The following FKBP6 variants were observed in gnomAD, a reference collection of about 807,000 sequenced individuals.
The protein encoded by FKBP6 is inactive peptidyl-prolyl cis-trans isomerase FKBP6.
In FKBP6, 29 loss-of-function variants were observed where a neutral mutation model predicts 41.7. That is an observed-to-expected ratio of 0.70 (90% CI 0.52 to 0.95). The LOEUF (loss-of-function observed/expected upper bound fraction) is 0.95, where lower values mean the gene tolerates loss of function less well. FKBP6 is among the 40% of genes least tolerant of loss of function. The pLI is 0.00. For synonymous variants in FKBP6, 130 were observed against 165.1 expected (o/e 0.79, Z 1.63); for missense variants, 338 against 408.7 (o/e 0.83, Z 1.49).
chr7:73,344,719 G>T (rs182726502), intron 8 of FKBP6, among the ~76,000 whole-genome samples: 252 of 152,136 alleles, frequency 1.7e-3, no homozygotes, highest in African/African-American at 5.9e-3. Flanking sequence ...CGAGTAGCTG[G>T]GACTGCAGGT....
intron 4 of FKBP6, 84 bp from the exon 5 acceptor site, chr7:73,331,573 C>T: frequency 2.1e-6 from 3 of 1,458,798 alleles, no homozygotes; most frequent in African/African-American, 1.4e-5. Context: ...GTCTCGAACT[C>T]CTGGGCTCAC....
At chr7:73,330,644 A>T (rs1362649561) in intron 4 of FKBP6, among the ~76,000 whole-genome samples, 1 of 152,188 alleles carries the variant, frequency 6.6e-6, no homozygotes, top group Non-Finnish European at 1.5e-5. Context: ...GAGACAGTGA[A>T]CACTTGCTTT....
chr7:73,329,337 T>C, intron 2 of FKBP6, 23 bp from the exon 3 acceptor site: 1 of 1,440,836 alleles, frequency 6.9e-7, no homozygotes. Context: ...TCCATTTTCC[T>C]TACATTCTTT....
At chr7:73,329,857 G>T (rs1554547291) in intron 3 of FKBP6, 2 of 541,918 alleles carry the variant, frequency 3.7e-6, no homozygotes, top group African/African-American at 3.8e-5. Context: ...GAGTGCCTGG[G>T]AGGTGAAAGC....
intron 5 of FKBP6, among the ~76,000 whole-genome samples, chr7:73,334,117 C>T (rs1228380924): frequency 6.6e-6 from 1 of 152,084 alleles, no homozygotes; most frequent in South Asian, 2.1e-4. Flanking sequence ...CTAACAACAA[C>T]AACAAAAAAA....
At chr7:73,340,917 CTTTTTTTTT>C in intron 6 of FKBP6, 85 bp downstream of exon 6, 3 of 482,524 alleles carry the variant, frequency 6.2e-6, no homozygotes, top group Non-Finnish European at 7.2e-6. Context: ...AAAATGCTGT[CTTTTTTTTT>C]TTTTTTTTTT....
At chr7:73,339,926 T>C (rs1805122797) in intron 5 of FKBP6, among the ~76,000 whole-genome samples, 1 of 152,232 alleles carries the variant, frequency 6.6e-6, no homozygotes, top group African/African-American at 2.4e-5. Context: ...ATATGAATTA[T>C]CTAATCAACT....
intron 5 of FKBP6, among the ~76,000 whole-genome samples, chr7:73,335,727 G>A (rs1386695188): frequency 6.6e-6 from 1 of 152,048 alleles, no homozygotes; most frequent in Non-Finnish European, 1.5e-5. Flanking sequence ...GGGGCAGACC[G>A]GTCCCTTTTA....
At chr7:73,347,379 T>C (rs1805360106) in intron 8 of FKBP6, among the ~76,000 whole-genome samples, 1 of 152,196 alleles carries the variant, frequency 6.6e-6, no homozygotes, top group Admixed American at 6.5e-5. Context: ...TCCTAAGTGA[T>C]AGAGCCAGAG....
chr7:73,352,331 G>A lies in FKBP6; in HGVS notation c.*3-5850G>A, dbSNP rs138817264. Reference sequence around the variant, plus strand: ...GCTTCATGAAGACCGTCAGATATCGGCTTAGTCTGTTTTTAATTTCTTGCG... The same window carrying A: ...GCTTCATGAAGACCGTCAGATATCGACTTAGTCTGTTTTTAATTTCTTGCG... On this transcript the variant is annotated intron_variant, in intron 8 of 8. Coordinates refer to ENST00000252037, the MANE Select transcript of FKBP6 (RefSeq NM_003602.5). Among the ~76,000 whole-genome samples, 216 of 152,332 alleles carry A rather than the reference G, an allele frequency of 1.4e-3. 1 individual carries two copies. The highest frequency in any genetic ancestry group is 4.9e-3 in the African/African-American group (203 of 41,576).
chr7:73,341,135 G>T, intron 6 of FKBP6, 138 bp from the exon 7 acceptor site: 1 of 777,228 alleles, frequency 1.3e-6, no homozygotes, highest in South Asian at 1.4e-5. Flanking sequence ...TGTTGGCCAG[G>T]CTGGTCTGGA....
At chr7:73,340,859 A>G (rs1554549396) in intron 6 of FKBP6, 27 bp downstream of exon 6, 36 of 1,558,924 alleles carry the variant, frequency 2.3e-5, no homozygotes, top group South Asian at 1.2e-4. Context: ...TGACTTGGGA[A>G]TAAACACCCA....
At chr7:73,337,835 T>C (rs1805054958) in intron 5 of FKBP6, among the ~76,000 whole-genome samples, 1 of 152,218 alleles carries the variant, frequency 6.6e-6, no homozygotes, top group African/African-American at 2.4e-5. Flanking sequence ...AACATTTTCC[T>C]CACCCCGAAA....
chr7:73,340,122 T>C (rs1805128118), intron 5 of FKBP6, among the ~76,000 whole-genome samples: 1 of 152,262 alleles, frequency 6.6e-6, no homozygotes, highest in Non-Finnish European at 1.5e-5. Flanking sequence ...TGTGCAAGTC[T>C]TTCAGTTGTT....
chr7:73,351,156 T>C (rs1362569391), intron 8 of FKBP6, among the ~76,000 whole-genome samples: 1 of 152,198 alleles, frequency 6.6e-6, no homozygotes, highest in African/African-American at 2.4e-5. Flanking sequence ...CTCAGCTCAC[T>C]GCAACGTTCG....
chr7:73,348,770 C>T (rs1805403965), intron 8 of FKBP6, among the ~76,000 whole-genome samples: 10 of 152,188 alleles, frequency 6.6e-5, no homozygotes, highest in Admixed American at 6.5e-4. Context: ...AACTCAGAAA[C>T]ACCTACTTAT....
At chr7:73,349,661 G>A (rs1805434676) in intron 8 of FKBP6, among the ~76,000 whole-genome samples, 1 of 145,094 alleles carries the variant, frequency 6.9e-6, no homozygotes, top group African/African-American at 2.6e-5. Context: ...TTGCAGTGAG[G>A]TCAGATTGCA....
chr7:73,351,932 C>T (rs1252871079), intron 8 of FKBP6, among the ~76,000 whole-genome samples: 2 of 152,154 alleles, frequency 1.3e-5, no homozygotes, highest in East Asian at 1.9e-4. Flanking sequence ...TTTCACCTCT[C>T]TGGGCCTTGG....
intron 6 of FKBP6, 94 bp from the exon 7 acceptor site, chr7:73,341,179 C>T: frequency 1.1e-6 from 1 of 911,126 alleles, no homozygotes; most frequent in Non-Finnish European, 1.9e-6. Flanking sequence ...CCGCCTTGGC[C>T]TCCCAAAGTG....
Sources: allele counts gnomAD v4.1 joint callset (sites outside exome capture counted in the v4.1 genomes callset), GRCh38; gene constraint gnomAD v4.1.1; transcripts MANE v1.5; gene names NCBI Gene and HGNC (gene_info 2026-07-23, HGNC 2026-07-21).